CAMK1D: variants seen among roughly 807,000 people sequenced by gnomAD.
CAMK1D encodes the protein calcium/calmodulin dependent protein kinase ID.
CAMK1D carries 9 observed loss-of-function variants against 47.7 expected under a neutral mutation model. That is an observed-to-expected ratio of 0.19 (90% CI 0.11 to 0.33). The LOEUF (loss-of-function observed/expected upper bound fraction) is 0.33. Among genes scored for constraint, CAMK1D ranks in the 10% least tolerant of loss-of-function variants. The pLI is 1.00. For synonymous variants in CAMK1D, 184 were observed against 184.9 expected, an observed-to-expected ratio of 0.99 and a Z score of 0.04; for missense variants, 291 against 488.7, an observed-to-expected ratio of 0.60 and a Z score of 3.81.
At chr10:12,813,221 C>T (rs532471845) in intron 6 of CAMK1D, among the ~76,000 whole-genome samples, 1 of 152,298 alleles carries the variant, frequency 6.6e-6, no homozygotes, top group African/African-American at 2.4e-5. Flanking sequence ...CGTCTGTCAG[C>T]CCTGCTGATA....
At chr10:12,640,328 C>G (rs952261679) in intron 2 of CAMK1D, among the ~76,000 whole-genome samples, 3 of 152,140 alleles carry the variant, frequency 2.0e-5, no homozygotes, top group Admixed American at 6.5e-5. Flanking sequence ...TCTCAAAATC[C>G]TGGCTCTGTG....
intron 1 of CAMK1D, among the ~76,000 whole-genome samples, chr10:12,414,529 T>A (rs1359385982): frequency 6.6e-6 from 1 of 152,214 alleles, no homozygotes; most frequent in Non-Finnish European, 1.5e-5. Context: ...GATGTACGTT[T>A]TGTACAAGCA....
At chr10:12,564,884 GTAAA>G (rs546702467) in intron 2 of CAMK1D, among the ~76,000 whole-genome samples, 3 of 152,346 alleles carry the variant, frequency 2.0e-5, no homozygotes, top group African/African-American at 7.2e-5. Flanking sequence ...ATGTAGGTGT[GTAAA>G]TAAATATGCA....
At chr10:12,727,353 G>T (rs1291834949) in intron 3 of CAMK1D, among the ~76,000 whole-genome samples, 1 of 152,190 alleles carries the variant, frequency 6.6e-6, no homozygotes, top group African/African-American at 2.4e-5. Context: ...GGCATCACTG[G>T]TCTGTGCTTA....
At chr10:12,789,749 G>A (rs1166871560) in intron 5 of CAMK1D, among the ~76,000 whole-genome samples, 1 of 152,238 alleles carries the variant, frequency 6.6e-6, no homozygotes, top group African/African-American at 2.4e-5. Flanking sequence ...GTCAAGGATT[G>A]TTGGGGTGAG....
rs375217916 is a variant in CAMK1D at position 12,464,344 on chromosome 10, CAG to C, written c.93-88876_93-88875del. Among the ~76,000 whole-genome samples the C allele has an allele frequency of 4.7e-3, 723 of 152,244 alleles. 5 individuals carry two copies. The highest frequency in any genetic ancestry group is 8.5e-3 in the Non-Finnish European group (577 of 68,028). On this transcript the variant is annotated intron_variant, in intron 1 of 10. Transcript: ENST00000619168. The stretch of plus-strand genomic sequence containing the variant: ...GATTGCCACAGAGCACTCCCAGGTG[CAG>C]AGAGTAGTCAGTAAATGAACTGGCC...
At chr10:12,355,452 T>TTGTGTGTGCGTGTGTGTG (rs1837480569) in intron 1 of CAMK1D, among the ~76,000 whole-genome samples, 2 of 151,912 alleles carry the variant, frequency 1.3e-5, no homozygotes, top group African/African-American at 4.8e-5. Flanking sequence ...GTATATGTGT[T>TTGTGTGTGCGTGTGTGTG]TGTGTGTGCG....
Position 12,681,241 on chromosome 10 carries a change from C to T in CAMK1D, c.299+14431C>T, listed in dbSNP as rs374835139. On this transcript the variant is annotated intron_variant, in intron 3 of 10. Transcript: ENST00000619168. ...CCACCACTCCGTGTCTGCCCTCAGC[C>T]TTGTTGACAACAACCCCTTAATTTC... 3.4e-3 allele frequency among the ~76,000 whole-genome samples: 516 copies of T among 152,380 alleles called. 6 individuals carry two copies. Among genetic ancestry groups the T allele is most frequent in the African/African-American group, 0.011 (470 of 41,592 alleles).
chr10:12,736,745 C>T (rs562279308), intron 3 of CAMK1D, among the ~76,000 whole-genome samples: 1 of 152,268 alleles, frequency 6.6e-6, no homozygotes, highest in South Asian at 2.1e-4. Flanking sequence ...TCTCCCTGGC[C>T]GCTCTCGCCA....
chr10:12,691,396 TATATATAAATATATATATATA>T (rs1832905867), intron 3 of CAMK1D, among the ~76,000 whole-genome samples: 23 of 7,252 alleles, frequency 3.2e-3, no homozygotes, highest in East Asian at 0.012. Flanking sequence ...TATATATATA[TATATATAAATATATATATATA>T]TATATTTTTT....
intron 2 of CAMK1D, among the ~76,000 whole-genome samples, chr10:12,645,457 C>G (rs533385038): frequency 1.3e-5 from 2 of 152,150 alleles, no homozygotes; most frequent in African/African-American, 4.8e-5. Context: ...TATCTGGTCT[C>G]CCAGAGATAG....
intron 2 of CAMK1D, among the ~76,000 whole-genome samples, chr10:12,595,977 A>C (rs2132375023): frequency 6.6e-6 from 1 of 152,002 alleles, no homozygotes; most frequent in Non-Finnish European, 1.5e-5. Flanking sequence ...CAGGCCACAC[A>C]TGGAACCCAG....
At chr10:12,642,271 A>G (rs1839688710) in intron 2 of CAMK1D, among the ~76,000 whole-genome samples, 1 of 152,198 alleles carries the variant, frequency 6.6e-6, no homozygotes, top group Admixed American at 6.5e-5. Context: ...ATTTCCTGGA[A>G]GTCAGGGTCA....
intron 3 of CAMK1D, among the ~76,000 whole-genome samples, chr10:12,713,889 C>T (rs1162963221): frequency 6.6e-6 from 1 of 152,232 alleles, no homozygotes; most frequent in African/African-American, 2.4e-5. Flanking sequence ...CCAGTGGGCT[C>T]ATGTTGGCTA....
intron 2 of CAMK1D, among the ~76,000 whole-genome samples, chr10:12,650,044 A>G (rs946786518): frequency 1.3e-5 from 2 of 152,264 alleles, no homozygotes. Context: ...CACTTGGCAT[A>G]TTACTTTTTA....
intron 1 of CAMK1D, among the ~76,000 whole-genome samples, chr10:12,478,274 C>T (rs921030869): frequency 1.3e-5 from 2 of 151,912 alleles, no homozygotes; most frequent in South Asian, 2.1e-4. Context: ...TCCCAAAGTG[C>T]TGGGATTACA....
Position 12,387,412 on chromosome 10 carries a change from TA to T in CAMK1D, c.92+37503del, listed in dbSNP as rs1423985123. On this transcript the variant is annotated intron_variant, in intron 1 of 10. Transcript: ENST00000619168. The stretch of plus-strand genomic sequence containing the variant: ...ATATTATATATTTTTATATATTATA[TA>T]TATTTTATATATTTTATATATTATA... Among the ~76,000 whole-genome samples, 61 of 38,442 alleles carry T rather than the reference TA, an allele frequency of 1.6e-3. 2 individuals are homozygous for T. The highest frequency in any genetic ancestry group is 0.015 in the Admixed American group (36 of 2,476). 25.2% of individuals were successfully genotyped at this position (38,442 alleles called of 152,430 possible). A position where few individuals can be genotyped will look rare whatever the true frequency, so the allele number is the denominator to read the frequency against.
At chr10:12,736,293 C>T (rs559447568) in intron 3 of CAMK1D, among the ~76,000 whole-genome samples, 49 of 152,266 alleles carry the variant, frequency 3.2e-4, no homozygotes, top group African/African-American at 1.1e-3. Context: ...ACCACCTTCC[C>T]CTCGGCGTCC....
At chr10:12,503,307 G>C (rs1356285255) in intron 1 of CAMK1D, among the ~76,000 whole-genome samples, 1 of 152,214 alleles carries the variant, frequency 6.6e-6, no homozygotes, top group Admixed American at 6.5e-5. Flanking sequence ...ATGTGGCCAG[G>C]TGGCTGCGTG....
Sources: allele counts gnomAD v4.1 joint callset (sites outside exome capture counted in the v4.1 genomes callset), GRCh38; gene constraint gnomAD v4.1.1; transcripts MANE v1.5; gene names NCBI Gene and HGNC (gene_info 2026-07-23, HGNC 2026-07-21).